PECAM1: variants seen among roughly 807,000 people sequenced by gnomAD.
PECAM1 encodes the protein platelet endothelial cell adhesion molecule.
PECAM1 carries 8 observed loss-of-function variants against 13.8 expected under a neutral mutation model. That is an observed-to-expected ratio of 0.58 (90% confidence interval 0.34 to 1.05). The LOEUF is 1.05. Among genes scored for constraint, PECAM1 ranks in the 50% least tolerant of loss-of-function variants. PECAM1 has a pLI of 0.03. For synonymous variants in PECAM1, 136 were observed against 52.6 expected, an observed-to-expected ratio of 2.58 and a Z score of -6.86; for missense variants, 304 against 141.2, an observed-to-expected ratio of 2.15 and a Z score of -5.84.
chr17:64,358,111 C>CTTTTTTT (rs141671796), intron 7 of PECAM1, among the ~76,000 whole-genome samples: 879 of 71,548 alleles, frequency 0.012, 110 homozygotes, highest in East Asian at 0.016. Context: ...TGGCCACAGT[C>CTTTTTTT]TTTTTTTTTT....
chr17:64,376,186 T>G (rs1018049497), intron 3 of PECAM1, among the ~76,000 whole-genome samples: 3 of 151,960 alleles, frequency 2.0e-5, no homozygotes, highest in African/African-American at 7.3e-5. Flanking sequence ...GCACCTGTAA[T>G]CCCAGCTACT....
intron 15 of PECAM1, among the ~76,000 whole-genome samples, chr17:64,329,158 T>C (rs28528314): frequency 0.091 from 13,833 of 152,138 alleles, 1,022 homozygotes; most frequent in African/African-American, 0.21. Context: ...AAATGATTCC[T>C]TGGGGAAGAG....
chr17:64,364,589 C>T (rs2036058850), intron 5 of PECAM1, among the ~76,000 whole-genome samples: 1 of 149,750 alleles, frequency 6.7e-6, no homozygotes, highest in African/African-American at 2.4e-5. Flanking sequence ...ACTGGCAAAC[C>T]AAATCCAGCA....
At chr17:64,347,385 G>C (rs4968623) in intron 13 of PECAM1, among the ~76,000 whole-genome samples, 119,248 of 150,108 alleles carry the variant, frequency 0.79, 53,560 homozygotes, top group East Asian at 1. Context: ...AAATAAATTA[G>C]CCGGCTGTGG....
At chr17:64,362,431 C>A (rs2036003953) in intron 6 of PECAM1, among the ~76,000 whole-genome samples, 2 of 152,080 alleles carry the variant, frequency 1.3e-5, no homozygotes, top group East Asian at 3.9e-4. Context: ...AGGCAGATCA[C>A]GAGGTCAGGA....
At chr17:64,376,696 C>T (rs73345144) in intron 3 of PECAM1, among the ~76,000 whole-genome samples, 2 of 152,066 alleles carry the variant, frequency 1.3e-5, no homozygotes, top group African/African-American at 4.8e-5. Flanking sequence ...ATTTGTGGAC[C>T]GGGCATGGTG....
At chr17:64,344,730 G>C (rs1050872238) in intron 13 of PECAM1, among the ~76,000 whole-genome samples, 3 of 152,286 alleles carry the variant, frequency 2.0e-5, no homozygotes, top group South Asian at 4.1e-4. Context: ...GGAAGGCAGA[G>C]AGGGAACACC....
intron 3 of PECAM1, among the ~76,000 whole-genome samples, chr17:64,376,451 G>A (rs1057123222): frequency 1.8e-4 from 28 of 152,338 alleles, no homozygotes; most frequent in Middle Eastern, 3.4e-3. Context: ...GAGGGGAAAG[G>A]TAGCCAGTAT....
intron 14 of PECAM1, among the ~76,000 whole-genome samples, chr17:64,333,759 A>T (rs1597997711): frequency 6.6e-6 from 1 of 151,692 alleles, no homozygotes; most frequent in African/African-American, 2.4e-5. Context: ...GGAGTTCAAG[A>T]CCAGCCTGGC....
At chr17:64,348,376 C>T in intron 12 of PECAM1, 54 bp from the exon 13 acceptor site, 1 of 473,034 alleles carries the variant, frequency 2.1e-6, no homozygotes, top group Non-Finnish European at 3.9e-6. Context: ...CTTGTGGGCA[C>T]CTCAGATCAT....
chr17:64,354,279 C>T (rs2035799795), intron 9 of PECAM1, among the ~76,000 whole-genome samples: 1 of 152,052 alleles, frequency 6.6e-6, no homozygotes, highest in Non-Finnish European at 1.5e-5. Flanking sequence ...AAAGTAAAGG[C>T]GAAATCAATC....
At chr17:64,368,851 TC>T (rs1159962738) in intron 5 of PECAM1, among the ~76,000 whole-genome samples, 1 of 126,458 alleles carries the variant, frequency 7.9e-6, no homozygotes, top group Non-Finnish European at 1.6e-5. Flanking sequence ...AGACTTTGTC[TC>T]AAAAAAGAAA....
rs1205353600 is a variant in PECAM1, at chr17:64,320,475, T to G, written c.*3341A>C. 3 of 152,572 alleles carry G rather than the reference T, an allele frequency of 2.0e-5. No homozygotes were observed. In the East Asian group the frequency reaches 5.8e-4, roughly 29 times the overall value. 9.5% of individuals were successfully genotyped at this position (152,572 alleles called of 1,614,324 possible). ...CCTCAATGTTCTTCACCCCACCTTT[T>G]CCACTGGTACCCTCTGCCTATGGTC... On this transcript the variant is annotated 3_prime_UTR_variant, in exon 16 of 16. Coordinates refer to ENST00000563924, the MANE Select transcript of PECAM1 (RefSeq NM_000442.5).
intron 2 of PECAM1, among the ~76,000 whole-genome samples, chr17:64,385,669 C>G (rs2036576923): frequency 1.3e-5 from 2 of 152,074 alleles, no homozygotes; most frequent in African/African-American, 4.8e-5. Context: ...TTGCTGGGGC[C>G]CACATAGCTG....
chr17:64,362,829 A>G (rs1173073951), intron 6 of PECAM1, among the ~76,000 whole-genome samples: 1 of 91,578 alleles, frequency 1.1e-5, no homozygotes, highest in East Asian at 3.9e-4. Context: ...AGCCTGGGCG[A>G]CACGTCTCAA....
intron 12 of PECAM1, 77 bp downstream of exon 12, chr17:64,350,303 T>C: frequency 2.5e-6 from 1 of 403,520 alleles, no homozygotes; most frequent in Non-Finnish European, 4.5e-6. Context: ...TCCTTCAAGT[T>C]TTAGTTTTCT....
rs1425782097 is a variant in PECAM1, at chr17:64,356,287, T to G, written c.1604A>C (p.Lys535Thr). The G allele has an allele frequency of 6.3e-6, 3 of 474,686 alleles. No individual in the cohort carries two copies. Among genetic ancestry groups the G allele is most frequent in the Non-Finnish European group, 7.7e-6 (2 of 258,954 alleles). The allele number at this position is 474,686 out of a possible 1,614,324, so 29.4% of individuals were successfully genotyped here. ...VNEGSGPITYKFYREKEGKPF... is the reference protein window; with the variant it reads ...VNEGSGPITYTFYREKEGKPF... Reference sequence around the variant, plus strand: ...TTTGCCCTCTTTTTCTCTGTAAAACTTATAGGTGATGGGACCAGATCCTTC... The same window carrying G: ...TTTGCCCTCTTTTTCTCTGTAAAACGTATAGGTGATGGGACCAGATCCTTC... Residue 535 changes from lysine to threonine, a missense_variant, in exon 8 of 16, where the codon AAG becomes ACG. Transcript: ENST00000563924.
chr17:64,329,608 T>G (rs924425909), intron 15 of PECAM1, 92 bp downstream of exon 15: 1 of 711,442 alleles, frequency 1.4e-6, no homozygotes, highest in Non-Finnish European at 2.6e-6. Flanking sequence ...CGGGGAAGAA[T>G]TCATGTGAAT....
intron 14 of PECAM1, among the ~76,000 whole-genome samples, chr17:64,330,541 C>T (rs1044687090): frequency 2.6e-5 from 4 of 150,994 alleles, no homozygotes; most frequent in Admixed American, 6.6e-5. Context: ...GAGGCTGAGG[C>T]GGGAGAATCG....
Sources: allele counts gnomAD v4.1 joint callset (sites outside exome capture counted in the v4.1 genomes callset), GRCh38; gene constraint gnomAD v4.1.1; transcripts MANE v1.5; gene names NCBI Gene and HGNC (gene_info 2026-07-23, HGNC 2026-07-21).